SLC14A2: variants seen among roughly 807,000 people sequenced by gnomAD.
The protein encoded by SLC14A2 is solute carrier family 14 member 2.
A neutral mutation model predicts 104.6 loss-of-function variants in SLC14A2; 91 were observed. The ratio of observed to expected loss-of-function variants is 0.87; its 90% CI spans 0.73 to 1.04. The LOEUF (loss-of-function observed/expected upper bound fraction) is 1.04. Ranked by LOEUF, SLC14A2 falls within the 50% of genes least tolerant of loss-of-function variation. The pLI is 0.00. For missense variants in SLC14A2, 1,189 were observed against 1,156.0 expected, an observed-to-expected ratio of 1.03 and a Z score of -0.41; for synonymous variants, 476 against 466.4, an observed-to-expected ratio of 1.02 and a Z score of -0.27.
Position 45,430,416 on chromosome 18 carries a change from A to C in SLC14A2, c.-124-52817A>C, listed in dbSNP as rs537312020. On this transcript the variant is annotated intron_variant, in intron 1 of 20. Coordinates refer to the SLC14A2 transcript ENST00000586448. ...GGCTATAAATCAAGTTGAATAAAGAAAATATACACAAGGGAAATGAGAGGG... is the reference window on the plus strand; with the variant it reads ...GGCTATAAATCAAGTTGAATAAAGACAATATACACAAGGGAAATGAGAGGG... Among the ~76,000 whole-genome samples the C allele has an allele frequency of 3.3e-5, 5 of 152,346 alleles. No individual in the cohort carries two copies. The East Asian group carries it at 9.6e-4, about 29-fold the overall frequency.
At chr18:45,634,415 G>A (rs768311132) in intron 5 of SLC14A2, among the ~76,000 whole-genome samples, 1 of 152,230 alleles carries the variant, frequency 6.6e-6, no homozygotes, top group African/African-American at 2.4e-5. Context: ...TAAGTGCTTT[G>A]AGGAAAGCAA....
At chr18:45,590,988 C>A (rs761782663) in intron 2 of SLC14A2, among the ~76,000 whole-genome samples, 8 of 152,164 alleles carry the variant, frequency 5.3e-5, no homozygotes, top group Non-Finnish European at 1.0e-4. Context: ...AGTATGTGAA[C>A]CTCAGCATGG....
At chr18:45,389,540 C>A (rs988850658) in intron 1 of SLC14A2, among the ~76,000 whole-genome samples, 2 of 152,196 alleles carry the variant, frequency 1.3e-5, no homozygotes, top group Non-Finnish European at 2.9e-5. Context: ...TCAACTTCAA[C>A]CAGCCTTCTT....
At chr18:45,489,268 T>C (rs770463348) in intron 2 of SLC14A2, among the ~76,000 whole-genome samples, 1 of 152,190 alleles carries the variant, frequency 6.6e-6, no homozygotes, top group Non-Finnish European at 1.5e-5. Context: ...CCCAGCACTT[T>C]GAGAGGCTGA....
chr18:45,330,710 C>T (rs189013182), intron 1 of SLC14A2, among the ~76,000 whole-genome samples: 3 of 152,296 alleles, frequency 2.0e-5, no homozygotes, highest in Non-Finnish European at 2.9e-5. Context: ...ACCCTTAACA[C>T]GCTGTCCCTC....
At chr18:45,339,028 C>T (rs978865998) in intron 1 of SLC14A2, among the ~76,000 whole-genome samples, 20 of 152,058 alleles carry the variant, frequency 1.3e-4, no homozygotes, top group African/African-American at 3.6e-4. Flanking sequence ...CCTCCTCCTC[C>T]GGGGTTCAAG....
chr18:45,557,620 G>A (rs932596264), intron 2 of SLC14A2, among the ~76,000 whole-genome samples: 15 of 152,126 alleles, frequency 9.9e-5, no homozygotes, highest in Admixed American at 8.5e-4. Context: ...GTTGGATGAC[G>A]GCCATGAGAA....
chr18:45,280,884 C>A (rs1051020413), intron 1 of SLC14A2, among the ~76,000 whole-genome samples: 4 of 152,150 alleles, frequency 2.6e-5, no homozygotes, highest in Non-Finnish European at 5.9e-5. Context: ...TCCCACCATC[C>A]CAGCATCGCT....
At chr18:45,190,746 T>C in the SLC14A2 span, among the ~76,000 whole-genome samples, 2 of 152,186 alleles carry the variant, frequency 1.3e-5, no homozygotes, top group South Asian at 2.1e-4. Context: ...GGCACTTTTG[T>C]CCAAAGGGAT....
chr18:45,515,498 T>A (rs1268758753), intron 2 of SLC14A2: 1 of 152,144 alleles, frequency 6.6e-6, no homozygotes, highest in African/African-American at 2.4e-5. Context: ...AAGTTCGGAT[T>A]GGGGGCACCA....
chr18:45,291,271 C>T (rs929068760), intron 1 of SLC14A2, among the ~76,000 whole-genome samples: 3 of 152,020 alleles, frequency 2.0e-5, no homozygotes, highest in African/African-American at 4.8e-5. Context: ...TGGGAGACTA[C>T]TTCTCAGAGC....
upstream of SLC14A2, among the ~76,000 whole-genome samples, chr18:45,210,108 G>T (rs1347355134): frequency 1.3e-5 from 2 of 152,168 alleles, no homozygotes; most frequent in African/African-American, 4.8e-5. Context: ...CGAGCCCAGG[G>T]AAGGATGCTA....
intron 1 of SLC14A2, among the ~76,000 whole-genome samples, chr18:45,320,353 C>T (rs1003004512): frequency 1.3e-5 from 2 of 152,262 alleles, no homozygotes; most frequent in African/African-American, 4.8e-5. Context: ...CAAGGTGAGG[C>T]TAACGACTTT....
chr18:45,522,151 G>A (rs2043526373), intron 2 of SLC14A2, among the ~76,000 whole-genome samples: 1 of 152,208 alleles, frequency 6.6e-6, no homozygotes, highest in African/African-American at 2.4e-5. Flanking sequence ...TGGGGTTACT[G>A]TGGATTTCAA....
intron 1 of SLC14A2, among the ~76,000 whole-genome samples, chr18:45,436,232 A>T (rs1328916057): frequency 6.6e-6 from 1 of 152,220 alleles, no homozygotes; most frequent in African/African-American, 2.4e-5. Flanking sequence ...TCTGTTTTCA[A>T]ATAGGTTAGA....
chr18:45,521,057 C>T (rs2144809163), intron 2 of SLC14A2, among the ~76,000 whole-genome samples: 1 of 152,268 alleles, frequency 6.6e-6, no homozygotes, highest in South Asian at 2.1e-4. Context: ...ATCCAACAGG[C>T]CCACCTATGG....
rs1442241356 is a variant in SLC14A2 at position 45,672,930 on chromosome 18, C to T, written c.2260C>T (p.Gln754Ter). 7 of 1,613,860 alleles carry T rather than the reference C, an allele frequency of 4.3e-6. No individual in the cohort carries two copies. The highest frequency in any genetic ancestry group is 5.1e-6 in the Non-Finnish European group (6 of 1,179,924). Reference sequence around the variant, plus strand: ...GAGAGCCATCCCCGTTGGAATTGGCCAAGTGTACGGCTGTGATAACCCCTG... The same window carrying T: ...GAGAGCCATCCCCGTTGGAATTGGCTAAGTGTACGGCTGTGATAACCCCTG... Reference protein sequence around the residue: ...LLRAIPVGIGQVYGCDNPWTG... With the variant: ...LLRAIPVGIG The change falls in exon 17 of 20, where the codon CAA (glutamine) becomes TAA (stop). Residue 754 changes from glutamine (Q) to a stop codon, truncating the protein, a stop_gained. Coordinates refer to ENST00000255226, the MANE Select transcript of SLC14A2 (RefSeq NM_007163.4). LOFTEE classifies it high-confidence loss of function.
chr18:45,507,958 C>T (rs1460900579), intron 2 of SLC14A2, among the ~76,000 whole-genome samples: 1 of 152,178 alleles, frequency 6.6e-6, no homozygotes, highest in African/African-American at 2.4e-5. Context: ...GGGCAAATAT[C>T]CCTGAACAAA....
At chr18:45,673,593 C>A in intron 17 of SLC14A2, 90 bp from the exon 18 acceptor site, 1 of 1,427,706 alleles carries the variant, frequency 7.0e-7, no homozygotes, top group South Asian at 1.3e-5. Context: ...TAACTGGCTC[C>A]GGGCTTTGAG....
Sources: gnomAD v4.1 joint callset for allele counts (sites outside exome capture counted in the v4.1 genomes callset) on GRCh38, gnomAD v4.1.1 for gene constraint, MANE v1.5 for transcripts, NCBI Gene and HGNC (gene_info 2026-07-23, HGNC 2026-07-21) for gene names.